The following CCSER1 variants were observed in gnomAD, a reference collection of about 807,000 sequenced individuals.
The protein encoded by CCSER1 is coiled-coil serine rich protein 1.
CCSER1 carries 41 observed loss-of-function variants against 82.0 expected under a neutral mutation model. The ratio of observed to expected loss-of-function variants is 0.50; its 90% CI spans 0.39 to 0.65. The LOEUF is 0.65. Ranked by LOEUF, CCSER1 falls within the 30% of genes least tolerant of loss-of-function variation. CCSER1 has a pLI of 0.00. For synonymous variants in CCSER1, 414 were observed against 383.9 expected (o/e 1.08, Z -0.92); for missense variants, 1,119 against 1,064.2 (o/e 1.05, Z -0.72).
chr4:90,161,865 A>G (rs573177052), intron 1 of CCSER1, among the ~76,000 whole-genome samples: 1 of 152,272 alleles, frequency 6.6e-6, no homozygotes, highest in Non-Finnish European at 1.5e-5. Context: ...TTCAAGACCT[A>G]GAGAGCTAAA....
intron 1 of CCSER1, among the ~76,000 whole-genome samples, chr4:90,261,689 A>G (rs574290740): frequency 4.6e-5 from 7 of 152,184 alleles, no homozygotes; most frequent in Admixed American, 3.9e-4. Flanking sequence ...TCCCTGAAAT[A>G]TCTTTTCAAA....
intron 10 of CCSER1, among the ~76,000 whole-genome samples, chr4:91,293,853 C>G (rs1433151765): frequency 6.6e-6 from 1 of 151,858 alleles, no homozygotes; most frequent in Non-Finnish European, 1.5e-5. Flanking sequence ...GTTTAAAAGC[C>G]TTTAAAAATT....
chr4:91,451,093 G>A (rs1219753622), intron 10 of CCSER1, among the ~76,000 whole-genome samples: 1 of 124,836 alleles, frequency 8.0e-6, no homozygotes, highest in Non-Finnish European at 1.8e-5. Context: ...GTTCAAAGAT[G>A]GTACCTTCTA....
intron 3 of CCSER1, among the ~76,000 whole-genome samples, chr4:90,325,296 T>C (rs1236263711): frequency 1.3e-5 from 2 of 152,226 alleles, no homozygotes; most frequent in African/African-American, 4.8e-5. Flanking sequence ...AAACTGTACT[T>C]ATTTATTAAG....
intron 3 of CCSER1, among the ~76,000 whole-genome samples, chr4:90,355,754 C>CAA (rs756592640): frequency 6.6e-6 from 1 of 151,924 alleles, no homozygotes; most frequent in Non-Finnish European, 1.5e-5. Flanking sequence ...TGCTTCTTGG[C>CAA]ATTTGTTCAG....
At chr4:91,486,108 C>T (rs1758204865) in intron 10 of CCSER1, among the ~76,000 whole-genome samples, 1 of 151,742 alleles carries the variant, frequency 6.6e-6, no homozygotes, top group Middle Eastern at 3.5e-3. Context: ...ACTTTCCTAG[C>T]AATTTCTTAT....
intron 10 of CCSER1, among the ~76,000 whole-genome samples, chr4:91,119,488 T>C (rs1206864385): frequency 2.0e-5 from 3 of 152,064 alleles, no homozygotes; most frequent in Non-Finnish European, 4.4e-5. Flanking sequence ...TTCTATATAC[T>C]GTATATTTCT....
At chr4:91,409,147 G>A (rs377510011) in intron 10 of CCSER1, among the ~76,000 whole-genome samples, 13 of 152,194 alleles carry the variant, frequency 8.5e-5, no homozygotes, top group Non-Finnish European at 1.3e-4. Context: ...ATTTACAATA[G>A]TGAATCTCAG....
At chr4:91,389,543 A>G (rs768599326) in intron 10 of CCSER1, among the ~76,000 whole-genome samples, 25 of 151,526 alleles carry the variant, frequency 1.6e-4, no homozygotes, top group African/African-American at 2.2e-4. Context: ...TTTCCCTTCA[A>G]TATTGAGTTG....
In CCSER1 at chr4:90,541,920, T is replaced by TCATTAG. The variant is rs577246863; in HGVS notation, c.1724+73566_1724+73567insCATTAG. Among the ~76,000 whole-genome samples the TCATTAG allele has an allele frequency of 7.2e-5, 11 of 152,214 alleles. No individual in the cohort carries two copies. The South Asian group carries it at 2.3e-3, about 31-fold the overall frequency. ...TATATATCTAATGAAACTTGTCACT[T>TCATTAG]AATTTCTTCAAGTTCTTCATTCCAT... On this transcript the variant is annotated intron_variant, in intron 5 of 10. Transcript: ENST00000509176.
At chr4:90,578,864 C>T (rs1781078481) in intron 5 of CCSER1, among the ~76,000 whole-genome samples, 1 of 152,090 alleles carries the variant, frequency 6.6e-6, no homozygotes, top group African/African-American at 2.4e-5. Flanking sequence ...GTATCTACTT[C>T]AGAGGAACCT....
intron 9 of CCSER1, among the ~76,000 whole-genome samples, chr4:91,031,613 T>C (rs987192250): frequency 3.9e-5 from 6 of 152,104 alleles, no homozygotes; most frequent in Non-Finnish European, 8.8e-5. Flanking sequence ...TGTGGGGCGC[T>C]TAAAAATGTA....
chr4:90,883,042 A>G (rs1721575834), intron 8 of CCSER1, among the ~76,000 whole-genome samples: 1 of 152,078 alleles, frequency 6.6e-6, no homozygotes, highest in African/African-American at 2.4e-5. Context: ...GAGAAAAGCT[A>G]GGTCTAGAGA....
chr4:90,729,335 A>T (rs2149395757), intron 7 of CCSER1, among the ~76,000 whole-genome samples: 1 of 152,340 alleles, frequency 6.6e-6, no homozygotes, highest in Non-Finnish European at 1.5e-5. Context: ...TATTTTAAAC[A>T]TAAATTATTT....
At chr4:90,307,539 A>G (rs1440579659) in intron 1 of CCSER1, among the ~76,000 whole-genome samples, 2 of 151,280 alleles carry the variant, frequency 1.3e-5, no homozygotes, top group African/African-American at 4.9e-5. Flanking sequence ...TAAGAGAATT[A>G]CCTATTGTAA....
At chr4:90,437,116 C>T (rs567874145) in intron 4 of CCSER1, among the ~76,000 whole-genome samples, 10 of 152,174 alleles carry the variant, frequency 6.6e-5, no homozygotes, top group African/African-American at 2.2e-4. Context: ...CCACCGCCCC[C>T]GGACGAGAAT....
At chr4:91,449,172 A>T (rs763537963) in intron 10 of CCSER1, among the ~76,000 whole-genome samples, 1 of 151,980 alleles carries the variant, frequency 6.6e-6, no homozygotes, top group African/African-American at 2.4e-5. Flanking sequence ...AGAGAGATAG[A>T]CGTTACTCTC....
intron 5 of CCSER1, among the ~76,000 whole-genome samples, chr4:90,568,993 C>A (rs1439545474): frequency 6.6e-6 from 1 of 152,024 alleles, no homozygotes; most frequent in Non-Finnish European, 1.5e-5. Flanking sequence ...ATCTCCAACT[C>A]CTGACCTCAG....
At chr4:90,798,796 G>A (rs1756382812) in intron 7 of CCSER1, among the ~76,000 whole-genome samples, 1 of 152,122 alleles carries the variant, frequency 6.6e-6, no homozygotes, top group Non-Finnish European at 1.5e-5. Context: ...TCACTCTGGG[G>A]GCTTGTATTA....
Sources: allele counts gnomAD v4.1 joint callset (sites outside exome capture counted in the v4.1 genomes callset), GRCh38; gene constraint gnomAD v4.1.1; transcripts MANE v1.5; gene names NCBI Gene and HGNC (gene_info 2026-07-23, HGNC 2026-07-21).